Variants in BRINP1 observed in about 807,000 individuals in gnomAD.
BRINP1 encodes BMP/retinoic acid-inducible neural-specific protein 1.
A neutral mutation model predicts 72.9 loss-of-function variants in BRINP1; 17 were observed. The ratio of observed to expected loss-of-function variants is 0.23; its 90% confidence interval spans 0.16 to 0.35. The LOEUF is 0.35. BRINP1 is among the 10% of genes least tolerant of loss of function. The pLI is 1.00. For missense variants in BRINP1, 850 were observed against 1,001.6 expected, an observed-to-expected ratio of 0.85 and a Z score of 2.04; for synonymous variants, 418 against 378.5, an observed-to-expected ratio of 1.10 and a Z score of -1.21.
chr9:119,324,703 A>C (rs928165449), intron 1 of BRINP1, among the ~76,000 whole-genome samples: 12 of 152,228 alleles, frequency 7.9e-5, no homozygotes, highest in African/African-American at 2.7e-4. Flanking sequence ...TAGCTAGTAA[A>C]GTTAATATGT....
chr9:119,343,307 C>T (rs1831422163), intron 1 of BRINP1, among the ~76,000 whole-genome samples: 1 of 152,150 alleles, frequency 6.6e-6, no homozygotes, highest in Non-Finnish European at 1.5e-5. Flanking sequence ...AGAAGAACAA[C>T]CGATTAAAAA....
intron 5 of BRINP1, among the ~76,000 whole-genome samples, chr9:119,219,871 A>G (rs1830022054): frequency 6.6e-6 from 1 of 152,072 alleles, no homozygotes; most frequent in Non-Finnish European, 1.5e-5. Flanking sequence ...TAATGGATAC[A>G]AGGGCACTAG....
intron 2 of BRINP1, among the ~76,000 whole-genome samples, chr9:119,301,455 A>C (rs1830938157): frequency 6.6e-6 from 1 of 152,236 alleles, no homozygotes; most frequent in South Asian, 2.1e-4. Flanking sequence ...ATTTTGAAAG[A>C]ATAAAATCAC....
chr9:119,345,795 A>G (rs1831444993), intron 1 of BRINP1, among the ~76,000 whole-genome samples: 1 of 152,222 alleles, frequency 6.6e-6, no homozygotes, highest in African/African-American at 2.4e-5. Flanking sequence ...ATGAGAGTTA[A>G]CAACCACTGA....
chr9:119,309,638 G>A (rs755296813), intron 2 of BRINP1, among the ~76,000 whole-genome samples: 1 of 152,180 alleles, frequency 6.6e-6, no homozygotes, highest in Non-Finnish European at 1.5e-5. Flanking sequence ...CACACAAACT[G>A]TATCTCATTG....
At chr9:119,293,671 T>G (rs747802148) in intron 2 of BRINP1, among the ~76,000 whole-genome samples, 6 of 152,162 alleles carry the variant, frequency 3.9e-5, no homozygotes, top group Non-Finnish European at 7.3e-5. Context: ...TATTACTACC[T>G]CATATGAGAC....
At chr9:119,177,089 A>G (rs1829498035) in intron 7 of BRINP1, among the ~76,000 whole-genome samples, 1 of 152,188 alleles carries the variant, frequency 6.6e-6, no homozygotes, top group African/African-American at 2.4e-5. Flanking sequence ...GGCTGGCTCT[A>G]CAAATGCTTG....
chr9:119,191,228 C>A (rs1829680531), intron 7 of BRINP1, among the ~76,000 whole-genome samples: 3 of 151,750 alleles, frequency 2.0e-5, no homozygotes, highest in Admixed American at 1.3e-4. Context: ...CAATTCCAGG[C>A]AAGAATGTCC....
At chr9:119,307,764 G>A (rs958754253) in intron 2 of BRINP1, among the ~76,000 whole-genome samples, 2 of 152,150 alleles carry the variant, frequency 1.3e-5, no homozygotes, top group African/African-American at 4.8e-5. Context: ...AAGAAAAAGA[G>A]GTTGTACGGT....
At chr9:119,208,639 T>C in intron 7 of BRINP1, 80 bp downstream of exon 7, 3 of 1,400,524 alleles carry the variant, frequency 2.1e-6, no homozygotes, top group Non-Finnish European at 3.0e-6. Flanking sequence ...ACCATCTGCA[T>C]TGCATTTCAC....
At chr9:119,190,738 T>C (rs777325171) in intron 7 of BRINP1, among the ~76,000 whole-genome samples, 1 of 151,980 alleles carries the variant, frequency 6.6e-6, no homozygotes, top group East Asian at 1.9e-4. Context: ...AAATAATTGT[T>C]ACCAATACTT....
In BRINP1 at chr9:119,368,369, TG is replaced by T. The variant is rs1214710499; in HGVS notation, c.-51+686del. On this transcript the variant is annotated intron_variant, in intron 1 of 7. Coordinates refer to ENST00000265922, the MANE Select transcript of BRINP1 (RefSeq NM_014618.3). This position sits in a 1 kb window ranked among gnomAD's most constrained non-coding sequence, Gnocchi z 4.7. ...TCTCATTTGCCTCGGGGGTTGGCCA[TG>T]TCTCTTTCATATTAAGCTGTGGGTC... 6.6e-6 allele frequency among the ~76,000 whole-genome samples: 1 copy of T among 152,068 alleles called. No individual in the cohort carries two copies. The highest frequency in any genetic ancestry group is 1.5e-5 in the Non-Finnish European group (1 of 68,022).
intron 2 of BRINP1, among the ~76,000 whole-genome samples, chr9:119,263,809 C>T (rs902632500): frequency 5.1e-4 from 77 of 152,004 alleles, no homozygotes; most frequent in African/African-American, 1.3e-3. Context: ...GGGGTTTCAC[C>T]GTGTTAGCCA....
At chr9:119,184,878 G>A (rs908594823) in intron 7 of BRINP1, among the ~76,000 whole-genome samples, 1 of 152,044 alleles carries the variant, frequency 6.6e-6, no homozygotes, top group Non-Finnish European at 1.5e-5. Flanking sequence ...TCTCCAAACA[G>A]GCCTATAACA....
intron 7 of BRINP1, among the ~76,000 whole-genome samples, chr9:119,201,331 T>C (rs1055504094): frequency 2.0e-5 from 3 of 152,196 alleles, no homozygotes; most frequent in Non-Finnish European, 4.4e-5. Flanking sequence ...CTACCAATAG[T>C]CTTGAATTGA....
At chr9:119,249,497 T>C (rs1830356417) in intron 2 of BRINP1, among the ~76,000 whole-genome samples, 1 of 152,096 alleles carries the variant, frequency 6.6e-6, no homozygotes, top group African/African-American at 2.4e-5. Flanking sequence ...CTGATGATAA[T>C]ATGGATGATG....
Position 119,166,900 on chromosome 9 carries a change from T to C in BRINP1, c.*184A>G. Reference sequence around the variant, plus strand: ...AGAGTGAGTATAGAAATAACAAACATGCCCAACGCTTTTATACAGTTGCTA... The same window carrying C: ...AGAGTGAGTATAGAAATAACAAACACGCCCAACGCTTTTATACAGTTGCTA... On this transcript the variant is annotated 3_prime_UTR_variant, in exon 8 of 8. Transcript: ENST00000265922. The C allele has an allele frequency of 1.6e-6, 1 of 639,882 alleles. No homozygotes were observed. Among genetic ancestry groups the C allele is most frequent in the Admixed American group, 3.3e-5 (1 of 30,530 alleles). 39.6% of individuals were successfully genotyped at this position (639,882 alleles called of 1,614,324 possible). A position where few individuals can be genotyped will look rare whatever the true frequency, so the allele number is the denominator to read the frequency against.
intron 6 of BRINP1, 123 bp downstream of exon 6, chr9:119,213,796 C>T (rs1829952079): frequency 4.9e-6 from 4 of 812,942 alleles, no homozygotes; most frequent in Non-Finnish European, 8.3e-6. Flanking sequence ...CTGGACACTC[C>T]AAAGTGAAAG....
chr9:119,306,576 G>A (rs955321860), intron 2 of BRINP1, among the ~76,000 whole-genome samples: 7 of 152,188 alleles, frequency 4.6e-5, no homozygotes, highest in Non-Finnish European at 8.8e-5. Flanking sequence ...GGAAGAAAAA[G>A]TGTCTTTTAA....
Sources: allele counts gnomAD v4.1 joint callset (sites outside exome capture counted in the v4.1 genomes callset), GRCh38; gene constraint gnomAD v4.1.1; non-coding constraint Gnocchi (gnomAD v3.1); transcripts MANE v1.5; gene names NCBI Gene and HGNC (gene_info 2026-07-23, HGNC 2026-07-21).